Variants in MAD1L1 observed in about 807,000 individuals in gnomAD.
The protein encoded by MAD1L1 is mitotic spindle assembly checkpoint protein MAD1.
Under a neutral mutation model 96.9 loss-of-function variants are expected in MAD1L1, and 95 were observed. That is an observed-to-expected ratio of 0.98 (90% confidence interval 0.83 to 1.16). The LOEUF is 1.16. MAD1L1 is among the 50% of genes most tolerant of loss of function. The probability of loss-of-function intolerance (pLI) is 0.00; values close to 1 mark genes in which losing one functional copy is unlikely to be tolerated. For missense variants in MAD1L1, 1,007 were observed against 954.4 expected, an observed-to-expected ratio of 1.06 and a Z score of -0.73; for synonymous variants, 473 against 396.6, an observed-to-expected ratio of 1.19 and a Z score of -2.29.
At chr7:2,165,164 A>G (rs1276613297) in intron 10 of MAD1L1, among the ~76,000 whole-genome samples, 2 of 151,872 alleles carry the variant, frequency 1.3e-5, no homozygotes, top group Admixed American at 1.3e-4. Context: ...AGATCGCACC[A>G]TTGCACTCCA....
intron 10 of MAD1L1, among the ~76,000 whole-genome samples, chr7:2,186,636 T>G (rs991806470): frequency 2.0e-5 from 3 of 152,226 alleles, no homozygotes; most frequent in African/African-American, 7.2e-5. Context: ...ACAATATTTT[T>G]GAAAAGCATG....
chr7:2,023,856 G>A (rs1229585980), intron 12 of MAD1L1, among the ~76,000 whole-genome samples: 2 of 152,126 alleles, frequency 1.3e-5, no homozygotes, highest in Non-Finnish European at 2.9e-5. Context: ...GACCGAGGCA[G>A]GAGAATCGCT....
intron 17 of MAD1L1, among the ~76,000 whole-genome samples, chr7:1,935,747 C>A (rs182074352): frequency 6.6e-6 from 1 of 152,232 alleles, no homozygotes; most frequent in Non-Finnish European, 1.5e-5. Context: ...AAGGTATCAT[C>A]GGATGAAAGC....
intron 11 of MAD1L1, among the ~76,000 whole-genome samples, chr7:2,080,422 C>T (rs1289121176): frequency 6.6e-6 from 1 of 152,192 alleles, no homozygotes; most frequent in African/African-American, 2.4e-5. Flanking sequence ...CTGCATGTCC[C>T]CCACAAGAGA....
intron 11 of MAD1L1, among the ~76,000 whole-genome samples, chr7:2,069,569 G>A (rs1336565693): frequency 6.6e-6 from 1 of 152,224 alleles, no homozygotes; most frequent in Non-Finnish European, 1.5e-5. Flanking sequence ...GAGGGGGAAG[G>A]GAGCTCAACT....
chr7:1,844,693 G>C (rs563472039), intron 18 of MAD1L1, among the ~76,000 whole-genome samples: 1 of 152,196 alleles, frequency 6.6e-6, no homozygotes, highest in Admixed American at 6.5e-5. Context: ...GCTTCCCCCA[G>C]GACATCCTGC....
At chr7:1,989,894 T>A (rs1250643694) in intron 14 of MAD1L1, among the ~76,000 whole-genome samples, 1 of 152,246 alleles carries the variant, frequency 6.6e-6, no homozygotes, top group Non-Finnish European at 1.5e-5. Flanking sequence ...GAAACATTCA[T>A]GCTAATGGTC....
rs570602513 is a variant in MAD1L1 at position 2,145,752 on chromosome 7, G to C, written c.1073+3400C>G. 2.6e-5 allele frequency among the ~76,000 whole-genome samples: 4 copies of C among 152,324 alleles called. No individual in the cohort carries two copies. In the South Asian group the frequency reaches 6.2e-4, roughly 24 times the overall value. ...TCCCTACCTTGGAACTCCTCTGGGTGGGAGAGCTCCAGGATCCTCCCTGAA... is the reference window on the plus strand; with the variant it reads ...TCCCTACCTTGGAACTCCTCTGGGTCGGAGAGCTCCAGGATCCTCCCTGAA... On this transcript the variant is annotated intron_variant, in intron 11 of 18. Transcript: ENST00000265854.
At chr7:1,975,537 G>T (rs1323358343) in intron 15 of MAD1L1, among the ~76,000 whole-genome samples, 1 of 152,244 alleles carries the variant, frequency 6.6e-6, no homozygotes, top group Non-Finnish European at 1.5e-5. Context: ...GGCAGGCAGG[G>T]ACTGTCTTTC....
intron 16 of MAD1L1, among the ~76,000 whole-genome samples, chr7:1,955,181 A>G (rs1779671621): frequency 1.3e-5 from 2 of 152,236 alleles, no homozygotes; most frequent in South Asian, 4.1e-4. Flanking sequence ...TATGTTCCCA[A>G]TTAAGTCAGA....
chr7:2,212,214 G>A lies in MAD1L1; in HGVS notation c.986+998C>T, dbSNP rs565246029. Among the ~76,000 whole-genome samples the A allele has an allele frequency of 1.2e-4, 19 of 152,344 alleles. No individual in the cohort carries two copies. The South Asian group carries it at 3.1e-3, about 25-fold the overall frequency. On this transcript the variant is annotated intron_variant, in intron 10 of 18. Transcript: ENST00000265854. ...GACAGACAGGACCAGACCTGGGAAC[G>A]GTCCAGCTACCTGTCTATAAGAATA...
chr7:2,206,656 T>C (rs752125277), intron 10 of MAD1L1, among the ~76,000 whole-genome samples: 2 of 152,258 alleles, frequency 1.3e-5, no homozygotes, highest in Non-Finnish European at 2.9e-5. Flanking sequence ...CTATACTTAA[T>C]ACCACAGTGT....
At chr7:2,008,378 G>C (rs1782132089) in intron 13 of MAD1L1, among the ~76,000 whole-genome samples, 2 of 152,240 alleles carry the variant, frequency 1.3e-5, no homozygotes, top group Non-Finnish European at 2.9e-5. Flanking sequence ...AGCACTGACT[G>C]TGGGGCTGCC....
chr7:1,993,456 A>G (rs1346080791), intron 14 of MAD1L1, among the ~76,000 whole-genome samples: 1 of 151,694 alleles, frequency 6.6e-6, no homozygotes, highest in African/African-American at 2.4e-5. Flanking sequence ...TCTGAAAGAG[A>G]AAATAACACA....
chr7:1,984,462 A>G (rs1269537116), intron 14 of MAD1L1, among the ~76,000 whole-genome samples: 1 of 152,194 alleles, frequency 6.6e-6, no homozygotes, highest in Non-Finnish European at 1.5e-5. Context: ...TTCTTTGCCC[A>G]CTTGCTATAT....
chr7:1,873,427 C>T (rs1229673613), intron 18 of MAD1L1, among the ~76,000 whole-genome samples: 1 of 151,592 alleles, frequency 6.6e-6, no homozygotes, highest in African/African-American at 2.4e-5. Flanking sequence ...TGGGCTGAGT[C>T]CTGGAGGATG....
At chr7:2,201,452 C>T (rs1489827860) in intron 10 of MAD1L1, among the ~76,000 whole-genome samples, 3 of 152,184 alleles carry the variant, frequency 2.0e-5, no homozygotes, top group African/African-American at 7.2e-5. Context: ...CGCAACAGGA[C>T]CCCAGTAAGC....
At chr7:2,174,577 G>A (rs973140480) in intron 10 of MAD1L1, among the ~76,000 whole-genome samples, 2 of 152,108 alleles carry the variant, frequency 1.3e-5, no homozygotes, top group African/African-American at 2.4e-5. Flanking sequence ...TCCTCAGAGT[G>A]TATTCCGTTT....
At chr7:1,978,601 C>G (rs930778271) in intron 15 of MAD1L1, among the ~76,000 whole-genome samples, 7 of 152,158 alleles carry the variant, frequency 4.6e-5, no homozygotes, top group African/African-American at 1.7e-4. Flanking sequence ...CGGTCTCCAG[C>G]TTCCCCCACC....
Sources: allele counts gnomAD v4.1 joint callset (sites outside exome capture counted in the v4.1 genomes callset), GRCh38; gene constraint gnomAD v4.1.1; transcripts MANE v1.5; gene names NCBI Gene and HGNC (gene_info 2026-07-23, HGNC 2026-07-21).